LRFN2: variants seen among roughly 807,000 people sequenced by gnomAD.
LRFN2 encodes the protein leucine-rich repeat and fibronectin type-III domain-containing protein 2.
A neutral mutation model predicts 37.3 loss-of-function variants in LRFN2; 18 were observed. That is an observed-to-expected ratio of 0.48 (90% CI 0.33 to 0.72). The LOEUF (loss-of-function observed/expected upper bound fraction) is 0.72. LRFN2 is among the 30% of genes least tolerant of loss of function. LRFN2 has a pLI of 0.02. For synonymous variants in LRFN2, 556 were observed against 466.6 expected (o/e 1.19, Z -2.47); for missense variants, 1,006 against 1,060.7 (o/e 0.95, Z 0.72).
chr6:40,398,268 T>A (rs535011018), intron 2 of LRFN2, among the ~76,000 whole-genome samples: 2 of 152,022 alleles, frequency 1.3e-5, no homozygotes, highest in African/African-American at 4.8e-5. Flanking sequence ...CATTGCCCAA[T>A]GTCCTCTGGG....
At chr6:40,479,275 C>A (rs1764773703) in intron 1 of LRFN2, among the ~76,000 whole-genome samples, 1 of 152,198 alleles carries the variant, frequency 6.6e-6, no homozygotes, top group Non-Finnish European at 1.5e-5. Flanking sequence ...CCAAAGCACA[C>A]TTGGGGAGAC....
intron 1 of LRFN2, among the ~76,000 whole-genome samples, chr6:40,511,780 A>G (rs1416345701): frequency 6.6e-6 from 1 of 152,168 alleles, no homozygotes; most frequent in Non-Finnish European, 1.5e-5. Flanking sequence ...GACGTGAGGG[A>G]GAAGAAGGGG....
At chr6:40,428,635 C>T (rs573141822) in intron 2 of LRFN2, among the ~76,000 whole-genome samples, 3 of 152,144 alleles carry the variant, frequency 2.0e-5, no homozygotes, top group Admixed American at 6.5e-5. Context: ...CACAGCCCTG[C>T]CTCTTTCTGC....
intron 2 of LRFN2, among the ~76,000 whole-genome samples, chr6:40,397,774 A>G (rs1005882209): frequency 6.8e-6 from 1 of 147,242 alleles, no homozygotes; most frequent in East Asian, 1.9e-4. Flanking sequence ...CCCAGAGCTA[A>G]TAGCAGCCAA....
At chr6:40,406,223 G>A (rs1385022396) in intron 2 of LRFN2, among the ~76,000 whole-genome samples, 1 of 152,238 alleles carries the variant, frequency 6.6e-6, no homozygotes. Flanking sequence ...AGGATGAAAT[G>A]AGCGAATCTC....
At chr6:40,486,113 A>AT (rs1764953045) in intron 1 of LRFN2, among the ~76,000 whole-genome samples, 2 of 152,140 alleles carry the variant, frequency 1.3e-5, no homozygotes, top group Non-Finnish European at 2.9e-5. Context: ...AGGGGCATAC[A>AT]TTTTTTGGCC....
chr6:40,420,175 G>A (rs1763188736), intron 2 of LRFN2, among the ~76,000 whole-genome samples: 2 of 152,236 alleles, frequency 1.3e-5, no homozygotes, highest in African/African-American at 4.8e-5. Flanking sequence ...GAGTTAACGA[G>A]CTCGTTCATC....
intron 1 of LRFN2, among the ~76,000 whole-genome samples, chr6:40,449,464 A>G (rs879613947): frequency 2.6e-5 from 4 of 152,198 alleles, no homozygotes; most frequent in Non-Finnish European, 4.4e-5. Flanking sequence ...CTACTATGTG[A>G]TGACCCACAA....
intron 1 of LRFN2, among the ~76,000 whole-genome samples, chr6:40,509,786 T>G (rs377555751): frequency 0.024 from 2,686 of 112,132 alleles, 23 homozygotes; most frequent in Middle Eastern, 0.031. Flanking sequence ...GGCAGTGGGG[T>G]GGGGGTGCAT....
chr6:40,430,999 T>G (rs1763464699), intron 2 of LRFN2, among the ~76,000 whole-genome samples: 1 of 152,202 alleles, frequency 6.6e-6, no homozygotes, highest in African/African-American at 2.4e-5. Flanking sequence ...GGTAAGAAAC[T>G]GAGAATACAG....
intron 1 of LRFN2, among the ~76,000 whole-genome samples, chr6:40,457,767 A>G (rs544129459): frequency 6.6e-6 from 1 of 152,134 alleles, no homozygotes; most frequent in African/African-American, 2.4e-5. Flanking sequence ...AATGCTCACC[A>G]GTATCCAGCT....
intron 1 of LRFN2, among the ~76,000 whole-genome samples, chr6:40,507,753 A>T (rs74340522): frequency 1.3e-5 from 2 of 152,308 alleles, no homozygotes; most frequent in East Asian, 1.9e-4. Context: ...TGTTTTGATC[A>T]TGCCTCTTGT....
intron 2 of LRFN2, among the ~76,000 whole-genome samples, chr6:40,419,444 G>A (rs536112051): frequency 1.3e-5 from 2 of 152,298 alleles, no homozygotes; most frequent in African/African-American, 2.4e-5. Flanking sequence ...ACACAGAGAA[G>A]ATTGAAATCA....
chr6:40,547,394 C>T (rs966103873), intron 1 of LRFN2, among the ~76,000 whole-genome samples: 13 of 152,074 alleles, frequency 8.5e-5, no homozygotes, highest in East Asian at 1.9e-4. Context: ...TGTGAGCCAT[C>T]GCGCCTGGCC....
chr6:40,570,760 G>C (rs1767173353), intron 1 of LRFN2, among the ~76,000 whole-genome samples: 1 of 152,200 alleles, frequency 6.6e-6, no homozygotes, highest in African/African-American at 2.4e-5. Context: ...GCAGACTGTA[G>C]AGAAATGGTG....
intron 1 of LRFN2, among the ~76,000 whole-genome samples, chr6:40,573,237 G>A (rs1243121683): frequency 6.6e-6 from 1 of 152,202 alleles, no homozygotes; most frequent in African/African-American, 2.4e-5. Context: ...GACTATTCCA[G>A]AGGCCATTGG....
intron 2 of LRFN2, among the ~76,000 whole-genome samples, chr6:40,399,210 A>G (rs926787988): frequency 6.6e-6 from 1 of 151,586 alleles, no homozygotes; most frequent in Admixed American, 6.6e-5. Flanking sequence ...GATCTTAGTC[A>G]CTGGTCATGC....
At chr6:40,520,384 C>T (rs1766026342) in intron 1 of LRFN2, among the ~76,000 whole-genome samples, 1 of 152,032 alleles carries the variant, frequency 6.6e-6, no homozygotes, top group Non-Finnish European at 1.5e-5. Context: ...GCCTGGGCAA[C>T]TGGGTGGGAG....
At chr6:40,452,497 A>G (rs1052396437) in intron 1 of LRFN2, among the ~76,000 whole-genome samples, 1 of 152,220 alleles carries the variant, frequency 6.6e-6, no homozygotes, top group African/African-American at 2.4e-5. Context: ...CTGGATTATT[A>G]CTTCAGAGCA....
Sources: allele counts gnomAD v4.1 joint callset (sites outside exome capture counted in the v4.1 genomes callset), GRCh38; gene constraint gnomAD v4.1.1; transcripts MANE v1.5; gene names NCBI Gene and HGNC (gene_info 2026-07-23, HGNC 2026-07-21).